Variants in IQGAP1 observed in about 807,000 individuals in gnomAD.
IQGAP1 encodes the protein IQ motif containing GTPase activating protein 1, also known as ras GTPase-activating-like protein IQGAP1.
A neutral mutation model predicts 215.6 loss-of-function variants in IQGAP1; 66 were observed. The ratio of observed to expected loss-of-function variants is 0.31; its 90% CI spans 0.25 to 0.38. The LOEUF (loss-of-function observed/expected upper bound fraction) is 0.38, where lower values mean the gene tolerates loss of function less well. Among genes scored for constraint, IQGAP1 ranks in the 10% least tolerant of loss-of-function variants. The pLI, the probability that IQGAP1 is intolerant of heterozygous loss-of-function variation, is 1.00. For missense variants in IQGAP1, 1,712 were observed against 1,997.1 expected, an observed-to-expected ratio of 0.86 and a Z score of 2.72; for synonymous variants, 772 against 728.7, an observed-to-expected ratio of 1.06 and a Z score of -0.96.
At chr15:90,421,570 T>A (rs546622310) in intron 2 of IQGAP1, among the ~76,000 whole-genome samples, 1 of 152,304 alleles carries the variant, frequency 6.6e-6, no homozygotes, top group South Asian at 2.1e-4. Context: ...TAAAATAATT[T>A]AAGCTGAGGC....
Position 90,463,264 on chromosome 15 carries a change from A to G in IQGAP1, c.1777-2737A>G, listed in dbSNP as rs555279608. Among the ~76,000 whole-genome samples, 3 of 152,318 alleles carry G rather than the reference A, an allele frequency of 2.0e-5. No homozygotes were observed. In the South Asian group the frequency reaches 6.2e-4, roughly 32 times the overall value. ...TGGGGCAGGGAAGAAAGAATTCTGA[A>G]TGCTTAGAAAGGTTCTACCTTTCTC... On this transcript the variant is annotated intron_variant, in intron 15 of 37. Coordinates refer to ENST00000268182, the MANE Select transcript of IQGAP1 (RefSeq NM_003870.4).
chr15:90,388,616 C>T (rs1387562035), intron 1 of IQGAP1, among the ~76,000 whole-genome samples: 2 of 152,124 alleles, frequency 1.3e-5, no homozygotes, highest in Admixed American at 6.5e-5. Context: ...CGAGGCCTCC[C>T]GCCTTAGCTG....
chr15:90,473,399 G>T, intron 19 of IQGAP1: 1 of 398,924 alleles, frequency 2.5e-6, no homozygotes, highest in South Asian at 2.7e-5. Flanking sequence ...GTCCCCATCT[G>T]TAAAAGGGGA....
chr15:90,457,843 A>C (rs1041720767), intron 15 of IQGAP1, among the ~76,000 whole-genome samples: 1 of 152,222 alleles, frequency 6.6e-6, no homozygotes, highest in Non-Finnish European at 1.5e-5. Context: ...CATAGGGAAC[A>C]CATATATGAA....
chr15:90,450,822 T>TG (rs148489630), intron 11 of IQGAP1, among the ~76,000 whole-genome samples: 1 of 151,394 alleles, frequency 6.6e-6, no homozygotes, highest in Non-Finnish European at 1.5e-5. Flanking sequence ...TTTGTTTTTT[T>TG]TTTTTTGGCT....
chr15:90,496,703 A>G (rs1438750359), intron 36 of IQGAP1: 2 of 152,186 alleles, frequency 1.3e-5, no homozygotes, highest in Admixed American at 6.5e-5. Context: ...AATACGTTCA[A>G]TAATAACAAT....
intron 2 of IQGAP1, among the ~76,000 whole-genome samples, chr15:90,408,799 A>G (rs1964915871): frequency 6.6e-6 from 1 of 152,032 alleles, no homozygotes; most frequent in Non-Finnish European, 1.5e-5. Context: ...AAATTAATTA[A>G]TTAATTTTTA....
chr15:90,447,373 C>T (rs1196331505), intron 9 of IQGAP1, among the ~76,000 whole-genome samples: 1 of 152,122 alleles, frequency 6.6e-6, no homozygotes, highest in Non-Finnish European at 1.5e-5. Flanking sequence ...CCTCATTGCC[C>T]CTACTTCCCA....
intron 29 of IQGAP1, 33 bp from the exon 30 acceptor site, chr15:90,484,187 T>A (rs777521153): frequency 6.2e-7 from 1 of 1,604,558 alleles, no homozygotes; most frequent in South Asian, 1.1e-5. Flanking sequence ...TGTATGTCCC[T>A]TTTTGGGGGG....
chr15:90,449,737 T>C, intron 11 of IQGAP1, 94 bp downstream of exon 11: 1 of 1,026,588 alleles, frequency 9.7e-7, no homozygotes, highest in Non-Finnish European at 1.4e-6. Context: ...TCACCCACTC[T>C]GAGCCTACTA....
intron 18 of IQGAP1, among the ~76,000 whole-genome samples, chr15:90,471,246 C>G (rs1292295079): frequency 6.6e-6 from 1 of 152,152 alleles, no homozygotes; most frequent in African/African-American, 2.4e-5. Context: ...ATGGTATCAT[C>G]TGTCCCAGGA....
At chr15:90,490,923 C>T (rs1010471337) in intron 33 of IQGAP1, among the ~76,000 whole-genome samples, 10 of 152,226 alleles carry the variant, frequency 6.6e-5, no homozygotes, top group African/African-American at 2.4e-4. Flanking sequence ...ATTCTCCTGC[C>T]TCAGCCTCCT....
At chr15:90,445,735 A>T (rs558212923) in intron 9 of IQGAP1, among the ~76,000 whole-genome samples, 2 of 152,278 alleles carry the variant, frequency 1.3e-5, no homozygotes, top group East Asian at 3.9e-4. Context: ...GTTCATTTGG[A>T]GGGCCAAATT....
At chr15:90,439,183 A>T in intron 5 of IQGAP1, 149 bp from the exon 6 acceptor site, 1 of 435,116 alleles carries the variant, frequency 2.3e-6, no homozygotes. Flanking sequence ...TAAATAGCGT[A>T]TTGTAACTAC....
chr15:90,499,507 C>A (rs1451634856), intron 37 of IQGAP1, among the ~76,000 whole-genome samples: 1 of 152,182 alleles, frequency 6.6e-6, no homozygotes, highest in African/African-American at 2.4e-5. Flanking sequence ...AATTAAGAAT[C>A]TATCAGATAG....
chr15:90,478,909 C>T (rs1048050990), intron 26 of IQGAP1, among the ~76,000 whole-genome samples: 3 of 152,176 alleles, frequency 2.0e-5, no homozygotes, highest in Non-Finnish European at 4.4e-5. Context: ...AGGGCCATAG[C>T]GTAACCACCA....
intron 4 of IQGAP1, among the ~76,000 whole-genome samples, chr15:90,430,503 A>G (rs1965287197): frequency 6.6e-6 from 1 of 152,162 alleles, no homozygotes; most frequent in Non-Finnish European, 1.5e-5. Context: ...TAATTGTGTT[A>G]CAGCCAAATA....
At chr15:90,425,588 T>C (rs1374509690) in intron 2 of IQGAP1, among the ~76,000 whole-genome samples, 1 of 152,214 alleles carries the variant, frequency 6.6e-6, no homozygotes, top group Non-Finnish European at 1.5e-5. Flanking sequence ...ACTGCTTCCA[T>C]AGGAGTTTCT....
chr15:90,492,444 A>AATTT, intron 34 of IQGAP1, 101 bp from the exon 35 acceptor site: 2 of 461,264 alleles, frequency 4.3e-6, no homozygotes, highest in Non-Finnish European at 7.2e-6. Context: ...AAAAAAAAGT[A>AATTT]GGTAGTCATA....
Sources: allele counts gnomAD v4.1 joint callset (sites outside exome capture counted in the v4.1 genomes callset), GRCh38; gene constraint gnomAD v4.1.1; transcripts MANE v1.5; gene names NCBI Gene and HGNC (gene_info 2026-07-23, HGNC 2026-07-21).